Variants in TRPC5 observed in about 807,000 individuals in gnomAD.
TRPC5 encodes short transient receptor potential channel 5.
TRPC5 carries 9 observed loss-of-function variants against 56.5 expected under a neutral mutation model. That is an observed-to-expected ratio of 0.16 (90% CI 0.10 to 0.28). The LOEUF (loss-of-function observed/expected upper bound fraction) is 0.28, where lower values mean the gene tolerates loss of function less well. TRPC5 is among the 10% of genes least tolerant of loss of function. TRPC5 has a pLI of 1.00. For missense variants in TRPC5, 469 were observed against 748.9 expected (o/e 0.63, Z 4.36); for synonymous variants, 282 against 278.5 (o/e 1.01, Z -0.13).
At chrX:112,043,513 A>G (rs944102931) in intron 1 of TRPC5, among the ~76,000 whole-genome samples, 1 of 110,870 alleles carries the variant, frequency 9.0e-6, no homozygotes, top group African/African-American at 3.3e-5. Flanking sequence ...AGGAAGGGGA[A>G]TGCTGCTAGT....
chrX:111,946,414 T>A (rs924982451), intron 2 of TRPC5, among the ~76,000 whole-genome samples: 4 of 111,774 alleles, frequency 3.6e-5, no homozygotes, highest in Admixed American at 9.5e-5. Context: ...TTGCCTAGTG[T>A]CTTTCTTCCT....
Position 111,773,289 on chromosome X carries a change from A to C in TRPC5, c.*3024T>G, listed in dbSNP as rs974075372. Among the ~76,000 whole-genome samples, 1 of 112,228 alleles carries C rather than the reference A, an allele frequency of 8.9e-6. No individual in the cohort carries two copies. The highest frequency in any genetic ancestry group is 3.2e-5 in the African/African-American group (1 of 30,906). On this transcript the variant is annotated 3_prime_UTR_variant, in exon 11 of 11. Transcript: ENST00000262839. Reference sequence around the variant, plus strand: ...AGCTGGAAGTGGAGATATTTCAACAATGGTCACTTTCTAATATAATTCAAA... The same window carrying C: ...AGCTGGAAGTGGAGATATTTCAACACTGGTCACTTTCTAATATAATTCAAA...
chrX:111,805,546 A>G (rs940107564), intron 7 of TRPC5, among the ~76,000 whole-genome samples: 1 of 111,832 alleles, frequency 8.9e-6, no homozygotes, highest in African/African-American at 3.2e-5. Flanking sequence ...TATTGAGCTG[A>G]AAAATCAAGC....
intron 2 of TRPC5, among the ~76,000 whole-genome samples, chrX:111,944,303 T>A (rs201809785): frequency 0.04 from 2,460 of 61,268 alleles, 63 homozygotes; most frequent in African/African-American, 0.13. Flanking sequence ...TGTGTGTGTG[T>A]GAGAGAGAGA....
intron 2 of TRPC5, among the ~76,000 whole-genome samples, chrX:111,936,938 T>C (rs1368442529): frequency 9.6e-6 from 1 of 104,650 alleles, no homozygotes; most frequent in African/African-American, 3.7e-5. Context: ...CCACAAGGGT[T>C]GAACTAGTTT....
At chrX:111,990,708 C>T (rs1202503109) in intron 1 of TRPC5, among the ~76,000 whole-genome samples, 1 of 111,318 alleles carries the variant, frequency 9.0e-6, no homozygotes, top group Non-Finnish European at 1.9e-5. Flanking sequence ...TGAATGATTG[C>T]TTTCTGGGAT....
chrX:111,837,058 C>G (rs1434998323), intron 6 of TRPC5, among the ~76,000 whole-genome samples: 1 of 112,344 alleles, frequency 8.9e-6, no homozygotes, highest in Non-Finnish European at 1.9e-5. Context: ...AGAGAGCTAG[C>G]CTAAAAGGAA....
rs36057312 is a variant in TRPC5, at chrX:111,944,267, A to AGTGTGT, written c.378+7770_378+7775dup. 6.3e-3 allele frequency among the ~76,000 whole-genome samples: 450 copies of AGTGTGT among 71,696 alleles called. 1 individual carries two copies. Among genetic ancestry groups the AGTGTGT allele is most frequent in the East Asian group, 0.022 (37 of 1,719 alleles). The allele number at this position is 71,696 out of a possible 115,157, so 62.3% of individuals were successfully genotyped here. On this transcript the variant is annotated intron_variant, in intron 2 of 10. Coordinates refer to ENST00000262839, the MANE Select transcript of TRPC5 (RefSeq NM_012471.3). ...GGCCAAGGAGGTGTGGGAGTAGAAG[A>AGTGTGT]GTGTGTGTGTGTGTGTGTGTGTGTG...
intron 7 of TRPC5, among the ~76,000 whole-genome samples, chrX:111,811,113 A>G (rs1318692162): frequency 8.9e-6 from 1 of 112,069 alleles, no homozygotes; most frequent in Non-Finnish European, 1.9e-5. Context: ...TTCTTAACAT[A>G]TGGGTATGAG....
intron 2 of TRPC5, among the ~76,000 whole-genome samples, chrX:111,939,665 A>T (rs944545091): frequency 6.3e-5 from 7 of 111,712 alleles, no homozygotes; most frequent in Non-Finnish European, 1.3e-4. Context: ...TTTCTTCTAG[A>T]TCTTTCCATT....
At chrX:111,946,076 G>T (rs929156711) in intron 2 of TRPC5, among the ~76,000 whole-genome samples, 1 of 112,272 alleles carries the variant, frequency 8.9e-6, no homozygotes, top group African/African-American at 3.2e-5. Flanking sequence ...GATTGTCAGA[G>T]CAATGGAAGA....
chrX:111,883,407 C>T (rs1457029050), intron 3 of TRPC5, among the ~76,000 whole-genome samples: 1 of 112,430 alleles, frequency 8.9e-6, no homozygotes, highest in Non-Finnish European at 1.9e-5. Context: ...TCCCAGTCTA[C>T]TTAAGTCCTA....
chrX:111,921,531 A>G (rs1926127443), intron 2 of TRPC5, among the ~76,000 whole-genome samples: 1 of 110,468 alleles, frequency 9.1e-6, no homozygotes, highest in Non-Finnish European at 1.9e-5. Flanking sequence ...ATTATTTATT[A>G]TCAAATTTCG....
At chrX:112,075,800 C>G (rs1208230796) in intron 1 of TRPC5, among the ~76,000 whole-genome samples, 1 of 111,506 alleles carries the variant, frequency 9.0e-6, no homozygotes, top group African/African-American at 3.3e-5. Flanking sequence ...TGGGTTGTCT[C>G]TAGAAGTTAG....
At chrX:111,991,870 G>T (rs1034323943) in intron 1 of TRPC5, among the ~76,000 whole-genome samples, 1 of 111,619 alleles carries the variant, frequency 9.0e-6, no homozygotes, top group East Asian at 2.8e-4. Context: ...AGATCCCTAG[G>T]GTTTCAGGCT....
intron 1 of TRPC5, among the ~76,000 whole-genome samples, chrX:112,054,557 A>G (rs1241112441): frequency 1.8e-5 from 2 of 111,105 alleles, no homozygotes; most frequent in African/African-American, 6.6e-5. Context: ...GCCCTAAAAA[A>G]TACAGATACT....
At chrX:112,038,795 C>A (rs1325987641) in intron 1 of TRPC5, among the ~76,000 whole-genome samples, 1 of 109,209 alleles carries the variant, frequency 9.2e-6, no homozygotes, top group Non-Finnish European at 1.9e-5. Context: ...CATTCTCCTG[C>A]CTCAGCCTCC....
At chrX:112,066,425 A>T (rs887458335) in intron 1 of TRPC5, among the ~76,000 whole-genome samples, 1 of 111,884 alleles carries the variant, frequency 8.9e-6, no homozygotes, top group Non-Finnish European at 1.9e-5. Context: ...CATGGTGCCT[A>T]CCATCAATGC....
intron 7 of TRPC5, among the ~76,000 whole-genome samples, chrX:111,831,879 T>C (rs1029991079): frequency 1.1e-3 from 127 of 111,294 alleles, no homozygotes; most frequent in Non-Finnish European, 4.7e-4. Flanking sequence ...TCTTATCTCT[T>C]CCACCTAATA....
Sources: gnomAD v4.1 joint callset for allele counts (sites outside exome capture counted in the v4.1 genomes callset) on GRCh38, gnomAD v4.1.1 for gene constraint, MANE v1.5 for transcripts, NCBI Gene and HGNC (gene_info 2026-07-23, HGNC 2026-07-21) for gene names.